Variants in OPCML observed in about 807,000 individuals in gnomAD.
OPCML encodes the protein opioid-binding protein/cell adhesion molecule.
Under a neutral mutation model 37.8 loss-of-function variants are expected in OPCML, and 13 were observed. The ratio of observed to expected loss-of-function variants is 0.34; its 90% CI spans 0.22 to 0.55. The LOEUF (loss-of-function observed/expected upper bound fraction) is 0.55. OPCML is among the 20% of genes least tolerant of loss of function. OPCML has a pLI of 0.91. For synonymous variants in OPCML, 176 were observed against 168.8 expected (o/e 1.04, Z -0.33); for missense variants, 341 against 435.6 (o/e 0.78, Z 1.93).
At chr11:132,922,337 T>C (rs1050005088) in intron 2 of OPCML, among the ~76,000 whole-genome samples, 4 of 151,920 alleles carry the variant, frequency 2.6e-5, no homozygotes, top group African/African-American at 9.7e-5. Context: ...CTCCCAGAAA[T>C]TTGGAAATGA....
chr11:132,445,543 A>G (rs1029628296), intron 4 of OPCML, among the ~76,000 whole-genome samples: 6 of 152,200 alleles, frequency 3.9e-5, no homozygotes, highest in African/African-American at 1.4e-4. Flanking sequence ...CAGGTTTAAG[A>G]GGATACACCT....
At chr11:132,741,445 G>A (rs940459532) in intron 2 of OPCML, among the ~76,000 whole-genome samples, 2 of 152,030 alleles carry the variant, frequency 1.3e-5, no homozygotes, top group Non-Finnish European at 2.9e-5. Flanking sequence ...CGTGGTGCAG[G>A]TCTGTGCTCG....
chr11:132,773,128 G>A (rs1489086940), intron 2 of OPCML: 1 of 152,246 alleles, frequency 6.6e-6, no homozygotes, highest in Non-Finnish European at 1.5e-5. Flanking sequence ...GGTGACATCT[G>A]ATGACACATC....
At chr11:132,570,818 G>GAGAGAGAGAT (rs2096436583) in intron 3 of OPCML, among the ~76,000 whole-genome samples, 1 of 128,416 alleles carries the variant, frequency 7.8e-6, no homozygotes, top group Non-Finnish European at 1.7e-5. Context: ...GAGAGAGAGA[G>GAGAGAGAGAT]AGGATATATA....
chr11:133,420,384 G>A, intron 1 of OPCML: 1 of 985,254 alleles, frequency 1.0e-6, no homozygotes, highest in Non-Finnish European at 1.2e-6. Context: ...GACAGTAGTT[G>A]GTTCTTTTTA....
At chr11:132,860,803 A>G (rs1208512776) in intron 2 of OPCML, 1 of 152,206 alleles carries the variant, frequency 6.6e-6, no homozygotes, top group African/African-American at 2.4e-5. Context: ...CACATAAAAC[A>G]TTCCATAATC....
At chr11:132,775,813 C>T (rs370745962) in intron 2 of OPCML, among the ~76,000 whole-genome samples, 22 of 152,360 alleles carry the variant, frequency 1.4e-4, no homozygotes, top group East Asian at 1.2e-3. Context: ...ACTAGCTATA[C>T]TTCATGGCAG....
chr11:132,479,059 G>A (rs565828730), intron 4 of OPCML, among the ~76,000 whole-genome samples: 2 of 152,224 alleles, frequency 1.3e-5, no homozygotes, highest in Admixed American at 6.5e-5. Context: ...GAACAGCCCT[G>A]GTCTACAGCT....
intron 1 of OPCML, among the ~76,000 whole-genome samples, chr11:133,217,865 G>A (rs1436162163): frequency 6.6e-6 from 1 of 152,140 alleles, no homozygotes; most frequent in Non-Finnish European, 1.5e-5. Flanking sequence ...GCAGCATAGG[G>A]AGAATTCATC....
At position 132,850,516 on chromosome 11, in the gene OPCML, G is replaced by GGAGTGTGTGTGTGTGTGT. The variant is rs796790289; in HGVS notation, c.146+92409_146+92410insACACACACACACACACTC. On this transcript the variant is annotated intron_variant, in intron 2 of 7. Coordinates refer to ENST00000524381, the MANE Select transcript of OPCML (RefSeq NM_001012393.5). ...TTTTATGATTCTACACTGTGGAAAG[G>GGAGTGTGTGTGTGTGTGT]GTGTGTGTGTGTGTGTGTGTGTGTG... is the stretch of plus-strand genomic sequence containing the variant. Among the ~76,000 whole-genome samples, 156 of 148,120 alleles carry GGAGTGTGTGTGTGTGTGT rather than the reference G, an allele frequency of 1.1e-3. 3 individuals carry two copies. The highest frequency in any genetic ancestry group is 3.6e-3 in the African/African-American group (146 of 40,224).
At chr11:132,599,933 T>G (rs1937736678) in intron 3 of OPCML, among the ~76,000 whole-genome samples, 1 of 152,200 alleles carries the variant, frequency 6.6e-6, no homozygotes, top group African/African-American at 2.4e-5. Context: ...TTTTTCAAAC[T>G]TATGTAACCG....
At chr11:132,537,321 C>T (rs1191718756) in intron 3 of OPCML, among the ~76,000 whole-genome samples, 4 of 152,168 alleles carry the variant, frequency 2.6e-5, no homozygotes, top group African/African-American at 9.6e-5. Context: ...GGTGCCAAGT[C>T]AATTCAATGA....
intron 2 of OPCML, among the ~76,000 whole-genome samples, chr11:132,692,449 T>G (rs972043511): frequency 1.3e-5 from 2 of 152,198 alleles, no homozygotes; most frequent in Admixed American, 6.5e-5. Flanking sequence ...CAGATGACAT[T>G]AGTAAGCTGT....
intron 1 of OPCML, among the ~76,000 whole-genome samples, chr11:132,981,135 C>T (rs1033628659): frequency 1.3e-5 from 2 of 152,344 alleles, no homozygotes; most frequent in South Asian, 4.1e-4. Context: ...ATCCAAACGT[C>T]GTTACGCAGT....
At chr11:133,390,547 A>T (rs147139220) in intron 1 of OPCML, among the ~76,000 whole-genome samples, 2 of 152,316 alleles carry the variant, frequency 1.3e-5, no homozygotes, top group East Asian at 3.9e-4. Context: ...GACAAAGACC[A>T]CTGAAATGAG....
intron 1 of OPCML, among the ~76,000 whole-genome samples, chr11:132,975,557 A>C (rs1219708817): frequency 6.0e-4 from 33 of 54,560 alleles, no homozygotes; most frequent in Admixed American, 1.5e-3. Context: ...AAAAAAAAAA[A>C]AAAAAAAAAA....
intron 3 of OPCML, among the ~76,000 whole-genome samples, chr11:132,638,329 A>G (rs1940652430): frequency 6.6e-6 from 1 of 151,954 alleles, no homozygotes; most frequent in African/African-American, 2.4e-5. Flanking sequence ...AGAAATCACT[A>G]TAGCTGGTAA....
chr11:133,112,310 AGGGGAAAG>A (rs1565453477), intron 1 of OPCML, among the ~76,000 whole-genome samples: 9 of 91,378 alleles, frequency 9.8e-5, no homozygotes, highest in East Asian at 8.7e-4. Context: ...AAAAAAAAAA[AGGGGAAAG>A]AAACAAAATA....
chr11:132,808,736 T>C lies in OPCML; in HGVS notation c.146+134190A>G, dbSNP rs75148277. ...ATTTGGGATTGTACTGAATTTCTCT[T>C]GGCAAACTACACAGGATTTCAGAGC... is the stretch of plus-strand genomic sequence containing the variant. On this transcript the variant is annotated intron_variant, in intron 2 of 7. Coordinates refer to ENST00000524381, the MANE Select transcript of OPCML (RefSeq NM_001012393.5). Among the ~76,000 whole-genome samples, 298 of 152,274 alleles carry C rather than the reference T, an allele frequency of 2.0e-3. 3 individuals carry two copies. Among genetic ancestry groups the C allele is most frequent in the African/African-American group, 6.8e-3 (283 of 41,560 alleles).
Sources: allele counts gnomAD v4.1 joint callset (sites outside exome capture counted in the v4.1 genomes callset), GRCh38; gene constraint gnomAD v4.1.1; transcripts MANE v1.5; gene names NCBI Gene and HGNC (gene_info 2026-07-23, HGNC 2026-07-21).